PPA2: variants seen among roughly 807,000 people sequenced by gnomAD.
The protein encoded by PPA2 is inorganic pyrophosphatase 2, mitochondrial.
In PPA2, 48 loss-of-function variants were observed where a neutral mutation model predicts 49.5. That is an observed-to-expected ratio of 0.97 (90% confidence interval 0.77 to 1.23). The LOEUF is 1.23. PPA2 is among the 50% of genes most tolerant of loss of function. PPA2 has a pLI of 0.00. For synonymous variants in PPA2, 131 were observed against 139.9 expected (o/e 0.94, Z 0.45); for missense variants, 429 against 410.1 (o/e 1.05, Z -0.40).
intron 1 of PPA2, among the ~76,000 whole-genome samples, chr4:105,465,593 T>G (rs1723270056): frequency 6.6e-6 from 1 of 152,144 alleles, no homozygotes; most frequent in African/African-American, 2.4e-5. Flanking sequence ...ATTTCTCAAG[T>G]TGTTAAATGT....
intron 10 of PPA2, among the ~76,000 whole-genome samples, chr4:105,383,393 AT>A (rs1461829541): frequency 6.6e-6 from 1 of 152,016 alleles, no homozygotes; most frequent in East Asian, 1.9e-4. Flanking sequence ...TTTATATTTT[AT>A]TTTTCTTGGA....
chr4:105,467,676 A>AAC (rs1438789258), intron 1 of PPA2, among the ~76,000 whole-genome samples: 1 of 45,832 alleles, frequency 2.2e-5, no homozygotes, highest in Non-Finnish European at 5.4e-5. Context: ...ATGATGGTGA[A>AAC]ACAGAAAGTG....
intron 7 of PPA2, among the ~76,000 whole-genome samples, chr4:105,403,537 T>G (rs1051312518): frequency 6.6e-6 from 1 of 152,266 alleles, no homozygotes; most frequent in Non-Finnish European, 1.5e-5. Context: ...ATAAATACAT[T>G]GAAAATATTG....
Position 105,465,345 on chromosome 4 carries a change from C to T in PPA2, c.157+8549G>A, listed in dbSNP as rs887387827. ...GTCTATAAGTTATTCCAATGCCTCA[C>T]GGATATCATCAAAATTATGGAATCC... is the stretch of plus-strand genomic sequence containing the variant. On this transcript the variant is annotated intron_variant, in intron 1 of 11. Coordinates refer to ENST00000341695, the MANE Select transcript of PPA2 (RefSeq NM_176869.3). 4.6e-5 allele frequency among the ~76,000 whole-genome samples: 7 copies of T among 152,158 alleles called. No homozygotes were observed. In the South Asian group the frequency reaches 6.2e-4, roughly 14 times the overall value.
chr4:105,461,888 T>C (rs1447151162), intron 1 of PPA2, among the ~76,000 whole-genome samples: 4 of 152,188 alleles, frequency 2.6e-5, no homozygotes, highest in Non-Finnish European at 5.9e-5. Flanking sequence ...CATCACCTAG[T>C]AAGTTTAAAC....
intron 1 of PPA2, among the ~76,000 whole-genome samples, chr4:105,462,304 T>A (rs941493962): frequency 6.6e-6 from 1 of 152,246 alleles, no homozygotes; most frequent in African/African-American, 2.4e-5. Context: ...TAGAACTTTC[T>A]TATCCGAAGC....
intron 6 of PPA2, among the ~76,000 whole-genome samples, chr4:105,434,666 A>G (rs1047438283): frequency 6.6e-6 from 1 of 152,214 alleles, no homozygotes; most frequent in Non-Finnish European, 1.5e-5. Context: ...TGTTTTATCT[A>G]TTTTTATTCA....
intron 7 of PPA2, among the ~76,000 whole-genome samples, chr4:105,409,390 G>A (rs779555627): frequency 2.0e-4 from 31 of 152,216 alleles, no homozygotes; most frequent in African/African-American, 5.3e-4. Context: ...TAAACAAAGC[G>A]GCCTGGAAGC....
intron 11 of PPA2, chr4:105,370,605 C>A (rs36112402): frequency 3.1e-6 from 3 of 976,046 alleles, no homozygotes; most frequent in South Asian, 9.5e-5. Context: ...AAAAAGTCAC[C>A]GTACAATCAA....
chr4:105,440,513 G>A (rs890921388), intron 5 of PPA2, among the ~76,000 whole-genome samples: 2 of 151,998 alleles, frequency 1.3e-5, no homozygotes, highest in Non-Finnish European at 2.9e-5. Context: ...CACCTGCCTC[G>A]GCCTCCGACA....
chr4:105,374,021 G>A (rs1733138016), intron 10 of PPA2, among the ~76,000 whole-genome samples: 1 of 152,034 alleles, frequency 6.6e-6, no homozygotes, highest in South Asian at 2.1e-4. Context: ...GGAACAAAGA[G>A]ATGTATGGAG....
chr4:105,450,999 A>T (rs750452456), intron 3 of PPA2, among the ~76,000 whole-genome samples: 1 of 152,122 alleles, frequency 6.6e-6, no homozygotes, highest in South Asian at 2.1e-4. Context: ...CTAGTCTTTC[A>T]TCCCAAATCA....
chr4:105,379,151 C>T (rs1733373531), intron 10 of PPA2, among the ~76,000 whole-genome samples: 1 of 152,020 alleles, frequency 6.6e-6, no homozygotes, highest in East Asian at 1.9e-4. Flanking sequence ...TGTATCTCTT[C>T]ATTTACTTAG....
At chr4:105,418,743 GA>G (rs1412261890) in intron 7 of PPA2, among the ~76,000 whole-genome samples, 2 of 152,156 alleles carry the variant, frequency 1.3e-5, no homozygotes, top group African/African-American at 4.8e-5. Flanking sequence ...CCAAACAAAA[GA>G]AATCTTCATT....
intron 1 of PPA2, among the ~76,000 whole-genome samples, chr4:105,459,482 G>C (rs1723000620): frequency 6.6e-6 from 1 of 152,200 alleles, no homozygotes; most frequent in African/African-American, 2.4e-5. Context: ...ACTGAAAATG[G>C]TGCACTTGCT....
intron 1 of PPA2, among the ~76,000 whole-genome samples, chr4:105,461,822 A>C (rs1254266697): frequency 2.0e-5 from 3 of 152,258 alleles, no homozygotes; most frequent in Non-Finnish European, 4.4e-5. Context: ...CAAGTGCTAC[A>C]CAGTGATCCA....
intron 7 of PPA2, among the ~76,000 whole-genome samples, chr4:105,422,890 T>A (rs1163602686): frequency 6.6e-6 from 1 of 152,208 alleles, no homozygotes. Context: ...TAAAGGGGCA[T>A]CCCTTAGCAC....
At chr4:105,433,444 G>A (rs575072544) in intron 6 of PPA2, among the ~76,000 whole-genome samples, 2 of 152,284 alleles carry the variant, frequency 1.3e-5, no homozygotes, top group East Asian at 3.9e-4. Flanking sequence ...AAAAATTACA[G>A]AAACGATGGC....
chr4:105,374,037 C>A (rs1324294707), intron 10 of PPA2, among the ~76,000 whole-genome samples: 1 of 152,068 alleles, frequency 6.6e-6, no homozygotes, highest in East Asian at 1.9e-4. Flanking sequence ...TGGAGCAGTA[C>A]CCAAAAGATT....
Sources: allele counts gnomAD v4.1 joint callset (sites outside exome capture counted in the v4.1 genomes callset), GRCh38; gene constraint gnomAD v4.1.1; transcripts MANE v1.5; gene names NCBI Gene and HGNC (gene_info 2026-07-23, HGNC 2026-07-21).